The following ASCC1 variants were observed in gnomAD, a reference collection of about 807,000 sequenced individuals.
ASCC1 encodes ASC-1 complex subunit P50.
ASCC1 carries 35 observed loss-of-function variants against 46.6 expected under a neutral mutation model. That is an observed-to-expected ratio of 0.75 (90% CI 0.57 to 0.99). The LOEUF (loss-of-function observed/expected upper bound fraction) is 0.99. Among genes scored for constraint, ASCC1 ranks in the 50% least tolerant of loss-of-function variants. The pLI is 0.00. For synonymous variants in ASCC1, 143 were observed against 146.6 expected (o/e 0.98, Z 0.18); for missense variants, 376 against 428.7 (o/e 0.88, Z 1.09).
chr10:72,213,908 C>T (rs1388453372), intron 1 of ASCC1, among the ~76,000 whole-genome samples: 1 of 151,856 alleles, frequency 6.6e-6, no homozygotes. Flanking sequence ...CATGGTGGCA[C>T]GTGCCTGTAA....
chr10:72,199,393 G>T (rs909763055), intron 4 of ASCC1, among the ~76,000 whole-genome samples: 3 of 151,422 alleles, frequency 2.0e-5, no homozygotes, highest in African/African-American at 7.3e-5. Context: ...CGCCTCCCGG[G>T]TTCAAGCAAC....
chr10:72,169,528 T>C (rs904648012), intron 5 of ASCC1, among the ~76,000 whole-genome samples: 15 of 152,042 alleles, frequency 9.9e-5, no homozygotes, highest in Admixed American at 9.8e-4. Context: ...AATATATATA[T>C]GCTTATTTTT....
At chr10:72,123,671 A>C (rs1188658016) in intron 9 of ASCC1, among the ~76,000 whole-genome samples, 3 of 152,186 alleles carry the variant, frequency 2.0e-5, no homozygotes, top group Admixed American at 6.5e-5. Flanking sequence ...TCCTCTAGAA[A>C]AAAAAAATTG....
At chr10:72,180,039 G>A (rs1438619973) in intron 5 of ASCC1, among the ~76,000 whole-genome samples, 1 of 152,198 alleles carries the variant, frequency 6.6e-6, no homozygotes, top group Non-Finnish European at 1.5e-5. Flanking sequence ...CATTTTAGGA[G>A]GCCAAGGCAG....
At chr10:72,144,960 C>T (rs898118455) in intron 7 of ASCC1, among the ~76,000 whole-genome samples, 1 of 152,176 alleles carries the variant, frequency 6.6e-6, no homozygotes, top group African/African-American at 2.4e-5. Flanking sequence ...AGTTCCTTTA[C>T]TGTGGTTATC....
intron 5 of ASCC1, among the ~76,000 whole-genome samples, chr10:72,187,425 A>C (rs1398296865): frequency 6.6e-6 from 1 of 151,870 alleles, no homozygotes; most frequent in African/African-American, 2.4e-5. Flanking sequence ...AACACAGTGA[A>C]ACCCCTTCTC....
chr10:72,146,472 G>A (rs1847640986), intron 7 of ASCC1, among the ~76,000 whole-genome samples: 1 of 152,198 alleles, frequency 6.6e-6, no homozygotes, highest in Non-Finnish European at 1.5e-5. Flanking sequence ...TAGGTGAACT[G>A]TGATAGGAAA....
intron 7 of ASCC1, chr10:72,133,530 C>G (rs570700978): frequency 1.3e-5 from 4 of 303,974 alleles, no homozygotes; most frequent in Admixed American, 4.6e-5. Flanking sequence ...AGGGGCACTT[C>G]AAGTAGAAGA....
intron 9 of ASCC1, among the ~76,000 whole-genome samples, chr10:72,126,139 C>T (rs772216454): frequency 1.1e-4 from 17 of 152,132 alleles, no homozygotes; most frequent in Non-Finnish European, 2.2e-4. Flanking sequence ...GGCATCTTTA[C>T]GGGAGGCAGC....
At chr10:72,165,889 T>G (rs1850275104) in intron 5 of ASCC1, among the ~76,000 whole-genome samples, 1 of 152,220 alleles carries the variant, frequency 6.6e-6, no homozygotes, top group Non-Finnish European at 1.5e-5. Flanking sequence ...AATTGAGAAC[T>G]GCTCCCCAGC....
chr10:72,148,409 T>C (rs925180619), intron 7 of ASCC1, among the ~76,000 whole-genome samples: 2 of 152,228 alleles, frequency 1.3e-5, no homozygotes, highest in South Asian at 2.1e-4. Context: ...TCTTGATCCA[T>C]AGAACACCAT....
intron 7 of ASCC1, among the ~76,000 whole-genome samples, chr10:72,134,813 T>A (rs1324739276): frequency 6.6e-6 from 1 of 151,928 alleles, no homozygotes; most frequent in Non-Finnish European, 1.5e-5. Flanking sequence ...GAAATGAGAA[T>A]TACAAGGGGG....
chr10:72,198,748 A>T, intron 4 of ASCC1: 1 of 453,626 alleles, frequency 2.2e-6, no homozygotes, highest in Non-Finnish European at 4.4e-6. Flanking sequence ...TCACATCACA[A>T]TTCAATTTAC....
At chr10:72,195,768 A>C (rs1855325550) in intron 5 of ASCC1, among the ~76,000 whole-genome samples, 1 of 151,432 alleles carries the variant, frequency 6.6e-6, no homozygotes. Flanking sequence ...CGGGATGCAG[A>C]GGTTGCAGTG....
chr10:72,148,208 T>C (rs1204927812), intron 7 of ASCC1, among the ~76,000 whole-genome samples: 1 of 152,204 alleles, frequency 6.6e-6, no homozygotes, highest in African/African-American at 2.4e-5. Context: ...CATCTTTTAA[T>C]ATCCTGTGTG....
At chr10:72,151,992 ATTT>A (rs35458668) in intron 7 of ASCC1, among the ~76,000 whole-genome samples, 62 of 118,164 alleles carry the variant, frequency 5.2e-4, no homozygotes, top group Admixed American at 6.0e-4. Context: ...ACCGGCCAAT[ATTT>A]TTTTTTTTTT....
chr10:72,170,736 T>A (rs1850971050), intron 5 of ASCC1, among the ~76,000 whole-genome samples: 1 of 151,900 alleles, frequency 6.6e-6, no homozygotes, highest in Non-Finnish European at 1.5e-5. Context: ...GAAAAAATGC[T>A]ACAAAGGATA....
chr10:72,213,495 G>A, intron 1 of ASCC1, 164 bp from the exon 2 acceptor site: 1 of 550,334 alleles, frequency 1.8e-6, no homozygotes, highest in South Asian at 1.8e-5. Flanking sequence ...AACCAGTTTA[G>A]GTTAATTGCT....
At chr10:72,149,437 CAAAAAAAAAAAAAA>C (rs11297879) in intron 7 of ASCC1, among the ~76,000 whole-genome samples, 4 of 52,702 alleles carry the variant, frequency 7.6e-5, no homozygotes, top group Middle Eastern at 0.015. Context: ...GACTCCGTCA[CAAAAAAAAAAAAAA>C]AAAAAAAAAA....
Sources: gnomAD v4.1 joint callset for allele counts (sites outside exome capture counted in the v4.1 genomes callset) on GRCh38, gnomAD v4.1.1 for gene constraint, MANE v1.5 for transcripts, NCBI Gene and HGNC (gene_info 2026-07-23, HGNC 2026-07-21) for gene names.